TRHR: variants seen among roughly 807,000 people sequenced by gnomAD.
The protein encoded by TRHR is thyrotropin-releasing hormone receptor.
TRHR carries 14 observed loss-of-function variants against 28.0 expected under a neutral mutation model. That is an observed-to-expected ratio of 0.50 (90% CI 0.33 to 0.78). The LOEUF (loss-of-function observed/expected upper bound fraction) is 0.78. Among genes scored for constraint, TRHR ranks in the 30% least tolerant of loss-of-function variants. The pLI, the probability that TRHR is intolerant of heterozygous loss-of-function variation, is 0.02. For synonymous variants in TRHR, 176 were observed against 171.9 expected (o/e 1.02, Z -0.18); for missense variants, 438 against 469.5 (o/e 0.93, Z 0.62).
At chr8:109,090,479 T>C (rs1457191110) in intron 2 of TRHR, among the ~76,000 whole-genome samples, 3 of 152,208 alleles carry the variant, frequency 2.0e-5, no homozygotes, top group Non-Finnish European at 2.9e-5. Flanking sequence ...CCACTGTCAG[T>C]TAGCCTCCAA....
chr8:109,110,463 T>TA (rs908550309), intron 2 of TRHR, among the ~76,000 whole-genome samples: 1 of 152,140 alleles, frequency 6.6e-6, no homozygotes, highest in African/African-American at 2.4e-5. Flanking sequence ...CCTTATCAGA[T>TA]ACAACCAAAG....
chr8:109,104,805 A>G lies in TRHR; in HGVS notation c.790-14243A>G, dbSNP rs147563890. 3.1e-3 allele frequency among the ~76,000 whole-genome samples: 475 copies of G among 152,158 alleles called. 1 individual carries two copies. Among genetic ancestry groups the G allele is most frequent in the African/African-American group, 0.011 (446 of 41,528 alleles). ...TCAAGCATCACTATTTAAATATTCT[A>G]GCCTAAATTCTTCAGTTAATATCAC... On this transcript the variant is annotated intron_variant, in intron 2 of 2. Coordinates refer to ENST00000518632, the MANE Select transcript of TRHR (RefSeq NM_003301.7).
Position 109,086,671 on chromosome 8 carries a change from C to G in TRHR, c.-301C>G, listed in dbSNP as rs755411473. ...ATTTGACAGCCTCACTGCTGCTGCTCCTGCTGCTGCTTCTGCTTCTGCCGC... is the reference window on the plus strand; with the variant it reads ...ATTTGACAGCCTCACTGCTGCTGCTGCTGCTGCTGCTTCTGCTTCTGCCGC... On this transcript the variant is annotated 5_prime_UTR_variant, in exon 1 of 3. Transcript: ENST00000518632. The G allele has an allele frequency of 2.8e-4, 43 of 153,472 alleles. No individual in the cohort carries two copies. Among genetic ancestry groups the G allele is most frequent in the Non-Finnish European group, 4.6e-4 (32 of 69,138 alleles). 9.5% of individuals were successfully genotyped at this position (153,472 alleles called of 1,614,324 possible). A position where few individuals can be genotyped will look rare whatever the true frequency, so the allele number is the denominator to read the frequency against.
intron 2 of TRHR, among the ~76,000 whole-genome samples, chr8:109,101,475 A>T (rs1811675978): frequency 6.6e-6 from 1 of 152,150 alleles, no homozygotes; most frequent in African/African-American, 2.4e-5. Flanking sequence ...CCTCATTTGT[A>T]TATCTATAAA....
chr8:109,098,003 G>C (rs1811619717), intron 2 of TRHR, among the ~76,000 whole-genome samples: 1 of 152,016 alleles, frequency 6.6e-6, no homozygotes, highest in Admixed American at 6.6e-5. Context: ...CCCACATCCA[G>C]TATCTCCCTT....
At chr8:109,089,252 T>C (rs1030654973) in intron 2 of TRHR, among the ~76,000 whole-genome samples, 4 of 151,822 alleles carry the variant, frequency 2.6e-5, no homozygotes, top group African/African-American at 9.7e-5. Context: ...TTTATTCTCA[T>C]AGCTGAAAAA....
At position 109,119,070 on chromosome 8, in the gene TRHR, T is replaced by A; in HGVS notation, c.812T>A (p.Val271Asp). 1 of 1,612,764 alleles carries A rather than the reference T, an allele frequency of 6.2e-7. No individual in the cohort carries two copies. Among genetic ancestry groups the A allele is most frequent in the Non-Finnish European group, 8.5e-7 (1 of 1,179,106 alleles). Residue 271 changes from valine to aspartate, a missense_variant, in exon 3 of 3, where the codon GTT (valine) becomes GAT (aspartate). By Grantham distance (152) the Val-to-Asp change is radical (BLOSUM62 -3). Coordinates refer to ENST00000518632, the MANE Select transcript of TRHR (RefSeq NM_003301.7). The part of the protein sequence containing the change: ...RKQVTKMLAV[V>D]VILFALLWMP... The stretch of plus-strand genomic sequence containing the variant: ...TAGGTCACCAAGATGCTGGCAGTGG[T>A]TGTAATTCTGTTTGCCCTTTTATGG...
intron 2 of TRHR, among the ~76,000 whole-genome samples, chr8:109,090,777 A>C (rs1811506501): frequency 2.6e-5 from 4 of 152,216 alleles, no homozygotes; most frequent in Admixed American, 2.6e-4. Flanking sequence ...GACAAGACAT[A>C]GTGGCTGGGA....
At chr8:109,118,278 A>G (rs1188531684) in intron 2 of TRHR, among the ~76,000 whole-genome samples, 1 of 151,984 alleles carries the variant, frequency 6.6e-6, no homozygotes, top group East Asian at 1.9e-4. Flanking sequence ...GGTAACAAAT[A>G]AACACCTTGG....
At chr8:109,099,805 A>G (rs1811649204) in intron 2 of TRHR, among the ~76,000 whole-genome samples, 1 of 152,220 alleles carries the variant, frequency 6.6e-6, no homozygotes, top group African/African-American at 2.4e-5. Flanking sequence ...CTCTGAATAT[A>G]ATTATATAGT....
At chr8:109,117,861 C>A (rs1811942764) in intron 2 of TRHR, among the ~76,000 whole-genome samples, 1 of 151,902 alleles carries the variant, frequency 6.6e-6, no homozygotes, top group East Asian at 1.9e-4. Flanking sequence ...ATTATATGAA[C>A]CAGTGTGAAA....
At position 109,087,773 on chromosome 8, in the gene TRHR, C is replaced by A; in HGVS notation, c.261C>A (p.Ile87=). The A allele has an allele frequency of 3.7e-6, 6 of 1,614,164 alleles. No individual in the cohort carries two copies. Among genetic ancestry groups the A allele is most frequent in the Non-Finnish European group, 5.1e-6 (6 of 1,180,036 alleles). The change falls in exon 2 of 3, where the codon ATC becomes ATA. Residue 87 remains isoleucine (I), a synonymous_variant. Transcript: ENST00000518632. ...GCCTCCCCAACATAACAGACAGTAT[C>A]TACGGTTCCTGGGTCTATGGCTATG... ...AAGLPNITDS[I]YGSWVYGYVG... is the part of the protein sequence containing the mutation.
At chr8:109,102,657 CATTG>C (rs979499180) in intron 2 of TRHR, among the ~76,000 whole-genome samples, 7 of 152,066 alleles carry the variant, frequency 4.6e-5, no homozygotes, top group Admixed American at 1.3e-4. Context: ...AATGGAAAGT[CATTG>C]ATTGAGAATG....
chr8:109,115,908 G>A (rs1359922120), intron 2 of TRHR, among the ~76,000 whole-genome samples: 7 of 152,088 alleles, frequency 4.6e-5, no homozygotes, highest in Non-Finnish European at 1.0e-4. Context: ...AATGCTTCCA[G>A]TTTTTGCCCA....
chr8:109,115,297 GGCTCTT>G (rs1811903272), intron 2 of TRHR, among the ~76,000 whole-genome samples: 3 of 152,048 alleles, frequency 2.0e-5, no homozygotes, highest in Non-Finnish European at 4.4e-5. Flanking sequence ...TGGCAATGTG[GGCTCTT>G]TTTTGGTTCC....
chr8:109,119,247 C>G lies in TRHR; in HGVS notation c.989C>G (p.Ala330Gly), dbSNP rs768293670. ...YNLMSQKFRA[A>G]FRKLCNCKQK... is the part of the protein sequence containing the mutation. ...CTCATGTCCCAGAAATTCCGTGCAG[C>G]CTTCAGAAAGCTCTGCAACTGCAAG... Residue 330 changes from alanine to glycine, a missense_variant, in exon 3 of 3, where the codon GCC becomes GGC. By Grantham distance (60) the Ala-to-Gly change is moderately conservative. Transcript: ENST00000518632. The G allele has an allele frequency of 1.2e-6, 2 of 1,612,842 alleles. No homozygotes were observed. The highest frequency in any genetic ancestry group is 2.2e-5 in the South Asian group (2 of 91,054).
chr8:109,110,370 G>A (rs888561725), intron 2 of TRHR, among the ~76,000 whole-genome samples: 9 of 151,784 alleles, frequency 5.9e-5, no homozygotes, highest in African/African-American at 1.7e-4. Context: ...GGGTGACATC[G>A]ATAACTTGTC....
intron 2 of TRHR, among the ~76,000 whole-genome samples, chr8:109,104,896 G>T (rs7841619): frequency 0.033 from 5,093 of 152,060 alleles, 288 homozygotes; most frequent in African/African-American, 0.12. Context: ...GAGGTGGGAG[G>T]ATCGCTTGAG....
intron 2 of TRHR, among the ~76,000 whole-genome samples, chr8:109,111,154 AAAAACAAAAC>A (rs529137712): frequency 1.4e-4 from 21 of 152,258 alleles, no homozygotes; most frequent in African/African-American, 2.9e-4. Context: ...TCCATCTCAA[AAAAACAAAAC>A]AAAACAAAAC....
Sources: gnomAD v4.1 joint callset for allele counts (sites outside exome capture counted in the v4.1 genomes callset) on GRCh38, gnomAD v4.1.1 for gene constraint, MANE v1.5 for transcripts, NCBI Gene and HGNC (gene_info 2026-07-23, HGNC 2026-07-21) for gene names.